The following CNTNAP2 variants were observed in gnomAD, a reference collection of about 807,000 sequenced individuals.
CNTNAP2 encodes contactin associated protein 2.
A neutral mutation model predicts 155.2 loss-of-function variants in CNTNAP2; 98 were observed. The ratio of observed to expected loss-of-function variants is 0.63; its 90% CI spans 0.54 to 0.75. The LOEUF (loss-of-function observed/expected upper bound fraction) is 0.75, where lower values mean the gene tolerates loss of function less well. CNTNAP2 is among the 30% of genes least tolerant of loss of function. The pLI, the probability that CNTNAP2 is intolerant of heterozygous loss-of-function variation, is 0.00. For synonymous variants in CNTNAP2, 651 were observed against 631.2 expected (o/e 1.03, Z -0.47); for missense variants, 1,727 against 1,688.1 (o/e 1.02, Z -0.40).
intron 9 of CNTNAP2, among the ~76,000 whole-genome samples, chr7:147,359,185 G>C (rs569022113): frequency 1.3e-5 from 2 of 152,060 alleles, no homozygotes; most frequent in African/African-American, 4.8e-5. Flanking sequence ...AACCTGTTCT[G>C]TTTCAGTTTT....
intron 3 of CNTNAP2, among the ~76,000 whole-genome samples, chr7:146,900,439 A>T (rs1243616161): frequency 2.0e-5 from 3 of 152,176 alleles, no homozygotes; most frequent in African/African-American, 7.2e-5. Flanking sequence ...CAGTTTACTT[A>T]ACCATGTCTC....
At chr7:148,285,388 G>A (rs1235837603) in intron 21 of CNTNAP2, among the ~76,000 whole-genome samples, 2 of 152,320 alleles carry the variant, frequency 1.3e-5, no homozygotes, top group South Asian at 4.1e-4. Context: ...GGAGGAATTA[G>A]CATTCAAAAT....
At chr7:147,471,549 G>A (rs556796182) in intron 10 of CNTNAP2, among the ~76,000 whole-genome samples, 93 of 152,280 alleles carry the variant, frequency 6.1e-4, no homozygotes, top group Middle Eastern at 3.4e-3. Flanking sequence ...AAGTATTGTC[G>A]TGTCTACGAC....
chr7:147,626,314 G>A (rs1794975102), intron 12 of CNTNAP2, among the ~76,000 whole-genome samples: 1 of 151,930 alleles, frequency 6.6e-6, no homozygotes, highest in South Asian at 2.1e-4. Context: ...GGCACTGTGG[G>A]AGTGAGACTG....
intron 21 of CNTNAP2, among the ~76,000 whole-genome samples, chr7:148,364,611 G>C (rs912534735): frequency 1.3e-5 from 2 of 152,178 alleles, no homozygotes; most frequent in East Asian, 1.9e-4. Context: ...GTGGGGCCTT[G>C]GAGAACCTGT....
chr7:147,406,352 AT>A (rs1379443397), intron 10 of CNTNAP2, among the ~76,000 whole-genome samples: 2 of 152,096 alleles, frequency 1.3e-5, no homozygotes, highest in Non-Finnish European at 1.5e-5. Context: ...TTTTGTTTGA[AT>A]TTTTTTCTTT....
chr7:146,840,723 A>G (rs1803706118), intron 3 of CNTNAP2, among the ~76,000 whole-genome samples: 1 of 152,126 alleles, frequency 6.6e-6, no homozygotes, highest in Non-Finnish European at 1.5e-5. Context: ...GATATTTTTA[A>G]CTTTATCATG....
intron 1 of CNTNAP2, among the ~76,000 whole-genome samples, chr7:146,555,131 G>A (rs535890672): frequency 6.6e-6 from 1 of 152,178 alleles, no homozygotes; most frequent in East Asian, 1.9e-4. Context: ...GAATGGCACA[G>A]ACCTCTCCAT....
chr7:146,753,528 T>C (rs1169844116), intron 1 of CNTNAP2, among the ~76,000 whole-genome samples: 4 of 152,052 alleles, frequency 2.6e-5, no homozygotes, highest in African/African-American at 7.2e-5. Context: ...TACAGAAATA[T>C]TGGAATGATT....
chr7:148,050,938 A>G (rs184023876), intron 15 of CNTNAP2, among the ~76,000 whole-genome samples: 4 of 152,330 alleles, frequency 2.6e-5, no homozygotes, highest in East Asian at 1.9e-4. Flanking sequence ...GTAGTAGGCT[A>G]TACAGTGGCA....
At position 148,333,444 on chromosome 7, in the gene CNTNAP2, AC is replaced by A. The variant is rs67872981; in HGVS notation, c.3476-50204del. Among the ~76,000 whole-genome samples the A allele has an allele frequency of 1.5e-3, 214 of 138,944 alleles. 1 individual carries two copies. The highest frequency in any genetic ancestry group is 4.5e-3 in the African/African-American group (163 of 36,034). The allele number at this position is 138,944 out of a possible 152,430, so 91.2% of individuals were successfully genotyped here. A position where few individuals can be genotyped will look rare whatever the true frequency, so the allele number is the denominator to read the frequency against. On this transcript the variant is annotated intron_variant, in intron 21 of 23. Transcript: ENST00000361727. ...TCCATCTCAGGAAAGGAAAAAAAAA[AC>A]ACTCATTTTTTAGGTGAAGTTAATT...
intron 13 of CNTNAP2, among the ~76,000 whole-genome samples, chr7:147,852,984 A>G (rs536919901): frequency 1.3e-5 from 2 of 152,298 alleles, no homozygotes; most frequent in South Asian, 2.1e-4. Context: ...TGGCCCACAG[A>G]TGGAAGGAAC....
intron 15 of CNTNAP2, among the ~76,000 whole-genome samples, chr7:148,099,421 T>TTGTGTGTGTGTGTGTGTGTGTGTG (rs35957905): frequency 7.1e-6 from 1 of 140,966 alleles, no homozygotes; most frequent in East Asian, 2.1e-4. Flanking sequence ...AGCATTGCAA[T>TTGTGTGTGTGTGTGTGTGTGTGTG]TGTGTGTGTG....
At chr7:146,592,378 G>A (rs1798796182) in intron 1 of CNTNAP2, among the ~76,000 whole-genome samples, 1 of 152,248 alleles carries the variant, frequency 6.6e-6, no homozygotes, top group Admixed American at 6.5e-5. Flanking sequence ...ATTACTGCCT[G>A]TGGACCAGAT....
chr7:148,331,724 T>G (rs7456977), intron 21 of CNTNAP2, among the ~76,000 whole-genome samples: 5,117 of 28,842 alleles, frequency 0.18, 382 homozygotes, highest in Non-Finnish European at 0.19. Context: ...GACGGATGGA[T>G]TGGATGGATG....
chr7:146,436,223 G>A (rs1616254), intron 1 of CNTNAP2, among the ~76,000 whole-genome samples: 5,425 of 152,178 alleles, frequency 0.036, 340 homozygotes, highest in African/African-American at 0.12. Context: ...TGTTTTTTGT[G>A]ATGGGTAAGT....
At chr7:146,633,863 C>T (rs193122507) in intron 1 of CNTNAP2, among the ~76,000 whole-genome samples, 6,133 of 116,696 alleles carry the variant, frequency 0.053, 196 homozygotes, top group Non-Finnish European at 0.077. Context: ...AAAACAGAAA[C>T]GTCTAAGTTG....
chr7:147,073,515 A>T (rs1054248271), intron 4 of CNTNAP2, among the ~76,000 whole-genome samples: 1 of 152,172 alleles, frequency 6.6e-6, no homozygotes, highest in African/African-American at 2.4e-5. Flanking sequence ...TAGGAGAGGT[A>T]ATTGAAACCG....
intron 1 of CNTNAP2, among the ~76,000 whole-genome samples, chr7:146,772,593 C>T (rs181493485): frequency 1.5e-3 from 235 of 152,010 alleles, no homozygotes; most frequent in Non-Finnish European, 2.7e-3. Context: ...CGCTTGAACC[C>T]GGGAGACAGA....
Sources: gnomAD v4.1 joint callset for allele counts (sites outside exome capture counted in the v4.1 genomes callset) on GRCh38, gnomAD v4.1.1 for gene constraint, MANE v1.5 for transcripts, NCBI Gene and HGNC (gene_info 2026-07-23, HGNC 2026-07-21) for gene names.